R3HDM2: variants seen among roughly 807,000 people sequenced by gnomAD.
The protein encoded by R3HDM2 is R3H domain-containing protein 2.
A neutral mutation model predicts 124.5 loss-of-function variants in R3HDM2; 38 were observed. The ratio of observed to expected loss-of-function variants is 0.31; its 90% CI spans 0.24 to 0.40. The LOEUF (loss-of-function observed/expected upper bound fraction) is 0.40, where lower values mean the gene tolerates loss of function less well. R3HDM2 is among the 10% of genes least tolerant of loss of function. The pLI, the probability that R3HDM2 is intolerant of heterozygous loss-of-function variation, is 1.00. For missense variants in R3HDM2, 869 were observed against 1,236.9 expected (o/e 0.70, Z 4.46); for synonymous variants, 391 against 448.0 (o/e 0.87, Z 1.61).
intron 1 of R3HDM2, among the ~76,000 whole-genome samples, chr12:57,402,082 G>A (rs973108632): frequency 1.3e-5 from 2 of 151,912 alleles, no homozygotes; most frequent in African/African-American, 4.8e-5. Flanking sequence ...ATCTTCTGAA[G>A]TCAGGAGTTA....
intron 1 of R3HDM2, among the ~76,000 whole-genome samples, chr12:57,424,954 C>T (rs1159266014): frequency 1.3e-5 from 2 of 152,088 alleles, no homozygotes; most frequent in Non-Finnish European, 2.9e-5. Context: ...AGTGAGACTC[C>T]GTCTCAAAAA....
At chr12:57,423,672 C>T (rs2070421935) in intron 1 of R3HDM2, among the ~76,000 whole-genome samples, 1 of 150,354 alleles carries the variant, frequency 6.7e-6, no homozygotes, top group Non-Finnish European at 1.5e-5. Context: ...ATTAGCCAGA[C>T]GTGGTGGCGG....
At chr12:57,429,043 G>A (rs1868869895) in intron 1 of R3HDM2, among the ~76,000 whole-genome samples, 1 of 152,108 alleles carries the variant, frequency 6.6e-6, no homozygotes, top group South Asian at 2.1e-4. Flanking sequence ...ACCGTGCCCG[G>A]CCAGTCAGGC....
chr12:57,354,912 C>T (rs903910485), intron 2 of R3HDM2, among the ~76,000 whole-genome samples: 1 of 151,762 alleles, frequency 6.6e-6, no homozygotes. Context: ...GCAGCCTCGA[C>T]CTCTCAGACT....
intron 10 of R3HDM2, among the ~76,000 whole-genome samples, chr12:57,292,947 T>C (rs908993536): frequency 6.6e-6 from 1 of 150,512 alleles, no homozygotes; most frequent in Non-Finnish European, 1.5e-5. Context: ...CTGGGTTGCT[T>C]CCCTCTAGTA....
chr12:57,410,937 G>C (rs1444329627), intron 1 of R3HDM2, among the ~76,000 whole-genome samples: 5 of 152,132 alleles, frequency 3.3e-5, no homozygotes, highest in Non-Finnish European at 7.4e-5. Flanking sequence ...TTCTACAGGA[G>C]AGCTCTACAT....
intron 2 of R3HDM2, among the ~76,000 whole-genome samples, chr12:57,334,724 A>ACGATATATTGAGGAATCAGTGTAG (rs1447063207): frequency 2.0e-5 from 3 of 152,158 alleles, no homozygotes; most frequent in Non-Finnish European, 4.4e-5. Flanking sequence ...AACCAACACC[A>ACGATATATTGAGGAATCAGTGTAG]GGATATATTG....
At chr12:57,358,494 A>T (rs2061540345) in intron 2 of R3HDM2, among the ~76,000 whole-genome samples, 1 of 152,070 alleles carries the variant, frequency 6.6e-6, no homozygotes, top group Admixed American at 6.6e-5. Flanking sequence ...AAAAAATAAA[A>T]AAATTAGCTG....
chr12:57,341,266 T>G, intron 2 of R3HDM2: 1 of 315,600 alleles, frequency 3.2e-6, no homozygotes, highest in Non-Finnish European at 4.6e-6. Flanking sequence ...GACTTCGGTC[T>G]GACCCTATTT....
chr12:57,360,896 C>CA (rs1211924106), intron 2 of R3HDM2, among the ~76,000 whole-genome samples: 1 of 151,334 alleles, frequency 6.6e-6, no homozygotes, highest in Non-Finnish European at 1.5e-5. Context: ...ACTAAAAATA[C>CA]AAAAAATTAA....
Position 57,266,879 on chromosome 12 carries a change from C to T in R3HDM2, c.2031-48G>A, listed in dbSNP as rs751347319. 1.3e-5 allele frequency: 17 copies of T among 1,342,126 alleles called. No homozygotes were observed. In the South Asian group the frequency reaches 2.0e-4, roughly 16 times the overall value. The allele number at this position is 1,342,126 out of a possible 1,614,324, so 83.1% of individuals were successfully genotyped here. ...AGTGGTGAAGCAGTAGAGGGATGAACACAGCTCCTGGCAAACAGCTGCTGC... is the reference window on the plus strand; with the variant it reads ...AGTGGTGAAGCAGTAGAGGGATGAATACAGCTCCTGGCAAACAGCTGCTGC... On this transcript the variant is annotated intron_variant, in intron 18 of 23. Transcript: ENST00000402412.
chr12:57,278,862 C>A (rs1165988098), intron 14 of R3HDM2, among the ~76,000 whole-genome samples: 1 of 152,130 alleles, frequency 6.6e-6, no homozygotes. Flanking sequence ...TGAGATAGGG[C>A]AATACTGGGC....
chr12:57,310,575 G>C, intron 2 of R3HDM2, 112 bp from the exon 3 acceptor site: 1 of 486,034 alleles, frequency 2.1e-6, no homozygotes, highest in Non-Finnish European at 3.2e-6. Context: ...CTTTAACCCA[G>C]AAAAGAGTTA....
intron 14 of R3HDM2, among the ~76,000 whole-genome samples, chr12:57,276,599 T>C (rs2044811059): frequency 6.6e-6 from 1 of 152,034 alleles, no homozygotes; most frequent in Non-Finnish European, 1.5e-5. Flanking sequence ...ATAAGAATGA[T>C]AAAATGGGCC....
At chr12:57,272,249 C>T (rs1256018690) in intron 14 of R3HDM2, among the ~76,000 whole-genome samples, 1 of 152,126 alleles carries the variant, frequency 6.6e-6, no homozygotes, top group East Asian at 1.9e-4. Context: ...CTCTGTCTTA[C>T]ATTTAAGCAT....
intron 1 of R3HDM2, chr12:57,418,412 T>C (rs990987597): frequency 5.8e-6 from 5 of 861,986 alleles, no homozygotes; most frequent in East Asian, 1.2e-4. Context: ...CAGGCTGCCG[T>C]TGGTCTTTGT....
Position 57,269,791 on chromosome 12 carries a change from T to C in R3HDM2, c.1548A>G (p.Gln516=), listed in dbSNP as rs756749707. The C allele has an allele frequency of 1.2e-6, 2 of 1,614,122 alleles. No homozygotes were observed. The highest frequency in any genetic ancestry group is 1.7e-6 in the Non-Finnish European group (2 of 1,180,022). Residue 516 remains glutamine (Q), a synonymous_variant, in exon 15 of 24, where the codon CAA becomes CAG. Coordinates refer to ENST00000402412, the MANE Select transcript of R3HDM2 (RefSeq NM_001394031.1). ...GCATGTACCCCTGGGGTGGCAGAAC[T>C]TGCTGAGTAGGTGGTGCATGGCTAG... ...STSSHAPPTQ[Q]VLPPQGYMQP... is the part of the protein sequence containing the mutation.
intron 12 of R3HDM2, 173 bp downstream of exon 12, chr12:57,288,836 A>C (rs765243899): frequency 8.5e-6 from 13 of 1,529,146 alleles, no homozygotes; most frequent in African/African-American, 5.5e-5. Context: ...AAAAGGAGAG[A>C]TATAGATCAC....
intron 1 of R3HDM2, among the ~76,000 whole-genome samples, chr12:57,404,061 C>T (rs796094334): frequency 5.5e-4 from 16 of 28,842 alleles, no homozygotes; most frequent in African/African-American, 1.7e-3. Context: ...AAGTCCACTC[C>T]TAATTTTTTT....
Sources: allele counts gnomAD v4.1 joint callset (sites outside exome capture counted in the v4.1 genomes callset), GRCh38; gene constraint gnomAD v4.1.1; transcripts MANE v1.5; gene names NCBI Gene and HGNC (gene_info 2026-07-23, HGNC 2026-07-21).